The following CEP44 variants were observed in gnomAD, a reference collection of about 807,000 sequenced individuals.
CEP44 encodes the protein centrosomal protein of 44 kDa.
A neutral mutation model predicts 46.7 loss-of-function variants in CEP44; 45 were observed. That is an observed-to-expected ratio of 0.96 (90% CI 0.76 to 1.24). CEP44 has a LOEUF of 1.24. Ranked by LOEUF, CEP44 falls within the 50% of genes most tolerant of loss-of-function variation. CEP44 has a pLI of 0.00. For missense variants in CEP44, 475 were observed against 459.7 expected (o/e 1.03, Z -0.30); for synonymous variants, 142 against 146.0 (o/e 0.97, Z 0.20).
At position 174,331,082 on chromosome 4, in the gene CEP44, T is replaced by C. The variant is rs1341496308; in HGVS notation, c.1087-400T>C. Among the ~76,000 whole-genome samples the C allele has an allele frequency of 6.6e-6, 1 of 152,172 alleles. No individual in the cohort carries two copies. The highest frequency in any genetic ancestry group is 1.5e-5 in the Non-Finnish European group (1 of 68,028). On this transcript the variant is annotated intron_variant, in intron 8 of 8. Coordinates refer to the CEP44 transcript ENST00000426172. The surrounding 1 kb of genome is among the most constrained non-coding windows in gnomAD (Gnocchi z 4.5). ...CTTTACACCCATAAAAGGTATACTT[T>C]TCTATAGGAATTGTTGTTTAAGTGT...
chr4:174,312,936 G>A lies in CEP44; in HGVS notation c.961+2078G>A, dbSNP rs1741247039. ...ACAGTGTTCCATGGGGAATTGTAAG[G>A]CACCTTAATGTCTTGGTAAGAGTGA... On this transcript the variant is annotated intron_variant, in intron 9 of 11. Transcript: ENST00000503780. This position sits in a 1 kb window ranked among gnomAD's most constrained non-coding sequence, Gnocchi z 4.5. Among the ~76,000 whole-genome samples, 1 of 152,104 alleles carries A rather than the reference G, an allele frequency of 6.6e-6. No homozygotes were observed. Among genetic ancestry groups the A allele is most frequent in the Non-Finnish European group, 1.5e-5 (1 of 68,014 alleles).
intron 1 of CEP44, among the ~76,000 whole-genome samples, chr4:174,293,765 T>C (rs1253552516): frequency 6.6e-6 from 1 of 152,216 alleles, no homozygotes; most frequent in East Asian, 1.9e-4. Flanking sequence ...TATTCCTTTC[T>C]TCCTAAGGTA....
rs547117394 is a variant in CEP44, at chr4:174,329,605, G to A, written c.1087-1877G>A. 2.0e-3 allele frequency among the ~76,000 whole-genome samples: 310 copies of A among 152,146 alleles called. 5 individuals are homozygous for A. The South Asian group carries it at 0.063, about 31-fold the overall frequency. On this transcript the variant is annotated intron_variant, in intron 8 of 8. Transcript: ENST00000426172. The surrounding 1 kb of genome is among the most constrained non-coding windows in gnomAD (Gnocchi z 4.0). ...AGCTTGAAGAATGTACTTTACTCAT[G>A]GGAACTAAAAATGTTATGCTTTGAG...
intron 4 of CEP44, among the ~76,000 whole-genome samples, chr4:174,302,688 A>G (rs1419389712): frequency 2.6e-5 from 4 of 151,894 alleles, no homozygotes; most frequent in Non-Finnish European, 5.9e-5. Flanking sequence ...TGATTTTTTT[A>G]AAACCCTGCT....
At position 174,317,748 on chromosome 4, in the gene CEP44, A is replaced by C; in HGVS notation, c.*365A>C. 1.0e-6 allele frequency: 1 copy of C among 988,900 alleles called. No individual in the cohort carries two copies. The highest frequency in any genetic ancestry group is 1.2e-6 in the Non-Finnish European group (1 of 832,022). The allele number at this position is 988,900 out of a possible 1,614,324, so 61.3% of individuals were successfully genotyped here. ...CTATGGTTTACATCCTGTTGGAAAC[A>C]TTCCAAATGGGACTTGTGTATTATA... On this transcript the variant is annotated 3_prime_UTR_variant, in exon 12 of 12. Transcript: ENST00000503780.
chr4:174,302,504 C>T (rs913403967), intron 4 of CEP44, among the ~76,000 whole-genome samples: 7 of 151,782 alleles, frequency 4.6e-5, no homozygotes, highest in African/African-American at 1.7e-4. Flanking sequence ...TTCAATAAAA[C>T]TTACAGTTTT....
chr4:174,312,068 G>C lies in CEP44; in HGVS notation c.961+1210G>C, dbSNP rs929404757. 6.6e-6 allele frequency among the ~76,000 whole-genome samples: 1 copy of C among 152,142 alleles called. No homozygotes were observed. Among genetic ancestry groups the C allele is most frequent in the Non-Finnish European group, 1.5e-5 (1 of 68,012 alleles). ...TTATGGTCTGCCTGTCTAGCACACA[G>C]AAAGTATGTCGGTGCTTTTATCACC... On this transcript the variant is annotated intron_variant, in intron 9 of 11. Coordinates refer to ENST00000503780, the MANE Select transcript of CEP44 (RefSeq NM_001040157.3). The surrounding 1 kb of genome is among the most constrained non-coding windows in gnomAD (Gnocchi z 4.5).
At position 174,318,141 on chromosome 4, in the gene CEP44, G is replaced by A. The variant is rs937636200; in HGVS notation, c.*758G>A. 5.9e-6 allele frequency: 5 copies of A among 852,798 alleles called. No homozygotes were observed. Among genetic ancestry groups the A allele is most frequent in the African/African-American group, 1.8e-5 (1 of 54,422 alleles). 52.8% of individuals were successfully genotyped at this position (852,798 alleles called of 1,614,324 possible). ...TGCAATAGCACGATCTTGGCTCACC[G>A]CAACCTCTGCCTACCGGGTTCAAGT... On this transcript the variant is annotated 3_prime_UTR_variant, in exon 12 of 12. Coordinates refer to ENST00000503780, the MANE Select transcript of CEP44 (RefSeq NM_001040157.3).
intron 6 of CEP44, among the ~76,000 whole-genome samples, chr4:174,306,813 C>T (rs1740459804): frequency 6.6e-6 from 1 of 151,934 alleles, no homozygotes; most frequent in South Asian, 2.1e-4. Flanking sequence ...TCTTATCTAC[C>T]AACAACAGTC....
rs947379545 is a variant in CEP44 at position 174,320,136 on chromosome 4, A to G, written c.*2753A>G. On this transcript the variant is annotated 3_prime_UTR_variant, in exon 12 of 12. Coordinates refer to ENST00000503780, the MANE Select transcript of CEP44 (RefSeq NM_001040157.3). ...TCGGTAAAGATTATATGGAAATACT[A>G]TAAAGAATACATAAGGTAAAATACT... is the stretch of plus-strand genomic sequence containing the variant. The G allele has an allele frequency of 1.0e-6, 1 of 985,098 alleles. No individual in the cohort carries two copies. Among genetic ancestry groups the G allele is most frequent in the Non-Finnish European group, 1.2e-6 (1 of 829,766 alleles). 61.0% of individuals were successfully genotyped at this position (985,098 alleles called of 1,614,324 possible). A position where few individuals can be genotyped will look rare whatever the true frequency, so the allele number is the denominator to read the frequency against.
exon 9 of CEP44, chr4:174,332,201 C>G (rs1731353188): frequency 6.6e-6 from 1 of 152,404 alleles, no homozygotes; most frequent in Non-Finnish European, 1.5e-5. Context: ...CCAAGACCAT[C>G]TTTTGTACCG....
exon 9 of CEP44, chr4:174,333,059 TAAGAC>T (rs1479485341): frequency 2.0e-5 from 3 of 152,004 alleles, no homozygotes; most frequent in East Asian, 3.9e-4. Flanking sequence ...ACATTTTAGA[TAAGAC>T]AAGAATTTTA....
chr4:174,287,774 A>G lies in CEP44; in HGVS notation c.-148+3831A>G, dbSNP rs1400667670. On this transcript the variant is annotated intron_variant, in intron 1 of 11. Transcript: ENST00000503780. The surrounding 1 kb of genome is among the most constrained non-coding windows in gnomAD (Gnocchi z 5.1). ...TAATTATAATTATTTCATGCTGACA[A>G]TATGTTTATAAGTGTTTTGCAGTAA... 6.6e-6 allele frequency among the ~76,000 whole-genome samples: 1 copy of G among 152,196 alleles called. No homozygotes were observed. The highest frequency in any genetic ancestry group is 1.5e-5 in the Non-Finnish European group (1 of 68,034).
chr4:174,284,103 G>A, intron 1 of CEP44, 160 bp downstream of exon 1: 1 of 399,138 alleles, frequency 2.5e-6, no homozygotes, highest in Non-Finnish European at 4.4e-6. Flanking sequence ...CTGTCGTGCT[G>A]GGCCTTTGAA....
intron 9 of CEP44, among the ~76,000 whole-genome samples, chr4:174,315,783 G>A (rs866583367): frequency 6.7e-6 from 1 of 148,352 alleles, no homozygotes; most frequent in African/African-American, 2.5e-5. Flanking sequence ...GGAGCTTGCA[G>A]TGAGCCGAGA....
chr4:174,285,887 G>T (rs950247533), intron 1 of CEP44, among the ~76,000 whole-genome samples: 1 of 152,168 alleles, frequency 6.6e-6, no homozygotes, highest in Non-Finnish European at 1.5e-5. Flanking sequence ...AGGCTTCCGT[G>T]TGTCCATCTA....
downstream of CEP44, chr4:174,320,427 TA>T (rs1345354460): frequency 1.8e-6 from 1 of 540,986 alleles, no homozygotes; most frequent in African/African-American, 4.2e-5. Flanking sequence ...TTTTATAAAC[TA>T]CAACACTTTT....
At chr4:174,291,945 C>T (rs1303855615) in intron 1 of CEP44, among the ~76,000 whole-genome samples, 2 of 151,674 alleles carry the variant, frequency 1.3e-5, no homozygotes, top group Non-Finnish European at 1.5e-5. Flanking sequence ...CATGCACCAC[C>T]ATGACTGGCT....
chr4:174,287,182 A>G lies in CEP44; in HGVS notation c.-148+3239A>G, dbSNP rs1208846085. 1.3e-5 allele frequency among the ~76,000 whole-genome samples: 2 copies of G among 152,188 alleles called. No homozygotes were observed. Among genetic ancestry groups the G allele is most frequent in the South Asian group, 2.1e-4 (1 of 4,828 alleles). ...GGGATATAGGTCGTTATGGGACCCC[A>G]GGTAGTAACCCAGCTCATTCTGAAA... is the stretch of plus-strand genomic sequence containing the variant. On this transcript the variant is annotated intron_variant, in intron 1 of 11. Coordinates refer to ENST00000503780, the MANE Select transcript of CEP44 (RefSeq NM_001040157.3). The surrounding 1 kb of genome is among the most constrained non-coding windows in gnomAD (Gnocchi z 5.1).
Sources: allele counts gnomAD v4.1 joint callset (sites outside exome capture counted in the v4.1 genomes callset), GRCh38; gene constraint gnomAD v4.1.1; non-coding constraint Gnocchi (gnomAD v3.1); transcripts MANE v1.5; gene names NCBI Gene and HGNC (gene_info 2026-07-23, HGNC 2026-07-21).